L3MBTL4: variants seen among roughly 807,000 people sequenced by gnomAD.
L3MBTL4 encodes the protein lethal(3)malignant brain tumor-like protein 4.
A neutral mutation model predicts 84.5 loss-of-function variants in L3MBTL4; 70 were observed. The observed-to-expected ratio is 0.83, with a 90% CI of 0.68 to 1.01. The LOEUF (loss-of-function observed/expected upper bound fraction) is 1.01. L3MBTL4 is among the 50% of genes least tolerant of loss of function. The pLI is 0.00. For missense variants in L3MBTL4, 715 were observed against 754.8 expected, an observed-to-expected ratio of 0.95 and a Z score of 0.62; for synonymous variants, 274 against 259.8, an observed-to-expected ratio of 1.05 and a Z score of -0.52.
intron 1 of L3MBTL4, among the ~76,000 whole-genome samples, chr18:6,319,644 T>G (rs914972467): frequency 4.0e-5 from 6 of 151,874 alleles, no homozygotes; most frequent in Admixed American, 2.0e-4. Flanking sequence ...ATATTTAAAA[T>G]GTCAACAAAA....
chr18:6,175,513 G>C (rs2044187967), intron 12 of L3MBTL4, among the ~76,000 whole-genome samples: 1 of 152,152 alleles, frequency 6.6e-6, no homozygotes, highest in African/African-American at 2.4e-5. Flanking sequence ...CAGCAAATAT[G>C]CGGGGAAATA....
intron 1 of L3MBTL4, among the ~76,000 whole-genome samples, chr18:6,382,733 T>C (rs553323925): frequency 6.6e-6 from 1 of 152,304 alleles, no homozygotes; most frequent in East Asian, 1.9e-4. Flanking sequence ...AGCTCTCCTG[T>C]ATGAGGTGTC....
chr18:6,272,827 G>A (rs2048940663), intron 4 of L3MBTL4, among the ~76,000 whole-genome samples: 1 of 110,458 alleles, frequency 9.1e-6, no homozygotes, highest in Non-Finnish European at 1.8e-5. Context: ...CATTAAACTG[G>A]TGGTTCTACA....
intron 10 of L3MBTL4, among the ~76,000 whole-genome samples, chr18:6,233,151 G>T (rs1052586249): frequency 5.3e-5 from 8 of 152,002 alleles, no homozygotes; most frequent in African/African-American, 1.9e-4. Context: ...AATAAATTAG[G>T]TATTGATGGG....
At chr18:5,958,067 GAA>G (rs1390907930) in intron 18 of L3MBTL4, among the ~76,000 whole-genome samples, 19 of 28,614 alleles carry the variant, frequency 6.6e-4, no homozygotes, top group African/African-American at 2.1e-3. Context: ...AGAAGGAGAA[GAA>G]GAAGAAGAAG....
chr18:6,186,988 A>G (rs1380048336), intron 12 of L3MBTL4, among the ~76,000 whole-genome samples: 2 of 152,188 alleles, frequency 1.3e-5, no homozygotes, highest in African/African-American at 4.8e-5. Flanking sequence ...TGTGATGCTA[A>G]GGCCTCAAAC....
intron 16 of L3MBTL4, among the ~76,000 whole-genome samples, chr18:6,016,456 G>T (rs1411745474): frequency 6.6e-6 from 1 of 152,110 alleles, no homozygotes; most frequent in Non-Finnish European, 1.5e-5. Context: ...TGTTCCACAG[G>T]GACTAGCTCA....
At position 5,972,892 on chromosome 18, in the gene L3MBTL4, G is replaced by T. The variant is rs7504620; in HGVS notation, c.1445-3330C>A. ...TAGAATAGAATAGAATAGAACAGAAGAGAATAGAATAGAATAGAATAGAAT... is the reference window on the plus strand; with the variant it reads ...TAGAATAGAATAGAATAGAACAGAATAGAATAGAATAGAATAGAATAGAAT... On this transcript the variant is annotated intron_variant, in intron 16 of 18. Transcript: ENST00000317931. 2.1e-4 allele frequency among the ~76,000 whole-genome samples: 28 copies of T among 132,122 alleles called. 1 individual carries two copies. The highest frequency in any genetic ancestry group is 3.1e-4 in the Admixed American group (4 of 12,782). The allele number at this position is 132,122 out of a possible 152,430, so 86.7% of individuals were successfully genotyped here.
intron 1 of L3MBTL4, among the ~76,000 whole-genome samples, chr18:6,401,473 C>G (rs1196183619): frequency 6.6e-6 from 1 of 152,162 alleles, no homozygotes; most frequent in Non-Finnish European, 1.5e-5. Context: ...ATCCTCTTCC[C>G]AAACCACGAA....
At chr18:6,380,091 T>C (rs2054535444) in intron 1 of L3MBTL4, among the ~76,000 whole-genome samples, 1 of 152,226 alleles carries the variant, frequency 6.6e-6, no homozygotes, top group South Asian at 2.1e-4. Flanking sequence ...CTAGATTTTC[T>C]AGTTTATTTG....
intron 12 of L3MBTL4, among the ~76,000 whole-genome samples, chr18:6,175,101 A>T (rs1186123258): frequency 6.6e-6 from 1 of 152,110 alleles, no homozygotes. Flanking sequence ...CCTGAGCATA[A>T]TAAATACAAA....
intron 10 of L3MBTL4, among the ~76,000 whole-genome samples, chr18:6,230,532 G>C (rs1312754057): frequency 6.6e-6 from 1 of 152,152 alleles, no homozygotes; most frequent in Non-Finnish European, 1.5e-5. Flanking sequence ...GAATAGCGCT[G>C]AGATGAGCAT....
At chr18:6,241,299 AT>A (rs2146119705) in intron 8 of L3MBTL4, 58 bp downstream of exon 8, 1 of 983,848 alleles carries the variant, frequency 1.0e-6, no homozygotes, top group African/African-American at 1.6e-5. Context: ...TATATAGTGA[AT>A]TTTAAGAAAT....
At chr18:6,262,561 A>G (rs2048453934) in intron 5 of L3MBTL4, among the ~76,000 whole-genome samples, 2 of 152,122 alleles carry the variant, frequency 1.3e-5, no homozygotes, top group Non-Finnish European at 2.9e-5. Flanking sequence ...TCAAACCTGC[A>G]CAAAGAATGC....
intron 16 of L3MBTL4, among the ~76,000 whole-genome samples, chr18:5,976,787 T>A (rs2052955143): frequency 6.6e-6 from 1 of 152,184 alleles, no homozygotes; most frequent in Non-Finnish European, 1.5e-5. Context: ...ATTTTTCATT[T>A]ACTACAAAAG....
chr18:6,405,760 G>A (rs1327869087), intron 1 of L3MBTL4, among the ~76,000 whole-genome samples: 1 of 140,252 alleles, frequency 7.1e-6, no homozygotes, highest in Non-Finnish European at 1.5e-5. Flanking sequence ...CCTCCTGCCA[G>A]CACCCATCAC....
At chr18:6,387,740 CAGTGGGGAAGGTGCA>C in intron 1 of L3MBTL4, among the ~76,000 whole-genome samples, 1 of 152,218 alleles carries the variant, frequency 6.6e-6, no homozygotes, top group Non-Finnish European at 1.5e-5. Flanking sequence ...TGGAAGGTGG[CAGTGGGGAAGGTGCA>C]AGACAAGAAG....
chr18:6,384,813 G>A (rs1039293339), intron 1 of L3MBTL4, among the ~76,000 whole-genome samples: 1 of 152,114 alleles, frequency 6.6e-6, no homozygotes, highest in Non-Finnish European at 1.5e-5. Flanking sequence ...CATGTTATGA[G>A]GACACTCAAC....
intron 16 of L3MBTL4, among the ~76,000 whole-genome samples, chr18:6,021,355 A>T (rs2055246132): frequency 6.6e-6 from 1 of 152,184 alleles, no homozygotes; most frequent in Non-Finnish European, 1.5e-5. Context: ...ATTTCCATGT[A>T]GCTGTGGGAG....
Sources: allele counts gnomAD v4.1 joint callset (sites outside exome capture counted in the v4.1 genomes callset), GRCh38; gene constraint gnomAD v4.1.1; transcripts MANE v1.5; gene names NCBI Gene and HGNC (gene_info 2026-07-23, HGNC 2026-07-21).